The following VASP variants were observed in gnomAD, a reference collection of about 807,000 sequenced individuals.
VASP encodes vasodilator-stimulated phosphoprotein.
A neutral mutation model predicts 54.4 loss-of-function variants in VASP; 27 were observed. That is an observed-to-expected ratio of 0.50 (90% CI 0.37 to 0.68). The LOEUF (loss-of-function observed/expected upper bound fraction) is 0.68, where lower values mean the gene tolerates loss of function less well. VASP is among the 30% of genes least tolerant of loss of function. The pLI is 0.00. For synonymous variants in VASP, 233 were observed against 209.8 expected, an observed-to-expected ratio of 1.11 and a Z score of -0.96; for missense variants, 488 against 528.3, an observed-to-expected ratio of 0.92 and a Z score of 0.75.
In VASP at chr19:45,524,778, A is replaced by T. The variant is rs939968294; in HGVS notation, c.1047+118A>T. 17 of 1,008,566 alleles carry T rather than the reference A, an allele frequency of 1.7e-5. No individual in the cohort carries two copies. In the South Asian group the frequency reaches 2.4e-4, roughly 14 times the overall value. The allele number at this position is 1,008,566 out of a possible 1,614,324, so 62.5% of individuals were successfully genotyped here. On this transcript the variant is annotated intron_variant, in intron 11 of 12. Coordinates refer to ENST00000245932, the MANE Select transcript of VASP (RefSeq NM_003370.4). ...GAAACCTCAGGTTTCCAATCTGACA[A>T]ATGGAGAAACTGGATTGGGTCAAGG...
chr19:45,513,222 A>T (rs73568926), intron 1 of VASP, among the ~76,000 whole-genome samples: 24,632 of 151,870 alleles, frequency 0.16, 2,212 homozygotes, highest in East Asian at 0.34. Context: ...TAGGTGTCCT[A>T]GGTAAAAGTT....
chr19:45,519,922 T>TA (rs1555728618), intron 3 of VASP, among the ~76,000 whole-genome samples: 1 of 102,328 alleles, frequency 9.8e-6, no homozygotes, highest in African/African-American at 4.2e-5. Context: ...TTTTTTTTTT[T>TA]AATATGGAGT....
chr19:45,517,985 C>A lies in VASP; in HGVS notation c.234C>A (p.Asn78Lys), dbSNP rs1246976283. 2 of 1,613,716 alleles carry A rather than the reference C, an allele frequency of 1.2e-6. No homozygotes were observed. Among genetic ancestry groups the A allele is most frequent in the Non-Finnish European group, 1.7e-6 (2 of 1,179,900 alleles). ...TCAAGTATAACCAGGCCACCCCCAACTTCCATCAGTGGCGCGACGCTCGCC... is the reference window on the plus strand; with the variant it reads ...TCAAGTATAACCAGGCCACCCCCAAATTCCATCAGTGGCGCGACGCTCGCC... The part of the protein sequence containing the change: ...RGVKYNQATP[N>K]FHQWRDARQV... Residue 78 changes from asparagine (N) to lysine (K), a missense_variant, in exon 3 of 13, where the codon AAC (asparagine) becomes AAA (lysine). Asn to Lys is a moderately conservative substitution (Grantham distance 94, BLOSUM62 0). Coordinates refer to ENST00000245932, the MANE Select transcript of VASP (RefSeq NM_003370.4).
At chr19:45,511,964 C>T (rs1968607307) in intron 1 of VASP, among the ~76,000 whole-genome samples, 2 of 152,084 alleles carry the variant, frequency 1.3e-5, no homozygotes, top group African/African-American at 2.4e-5. Context: ...ATTAGCCTGG[C>T]GTGGTGGCAC....
chr19:45,521,971 C>T (rs1291379080), intron 4 of VASP, among the ~76,000 whole-genome samples, 197 bp from the exon 5 acceptor site: 1 of 152,188 alleles, frequency 6.6e-6, no homozygotes, highest in Non-Finnish European at 1.5e-5. Context: ...CTGATCTCTC[C>T]CTGTCGCTGC....
chr19:45,517,896 G>A (rs759678590), intron 2 of VASP, 33 bp from the exon 3 acceptor site: 82 of 339,616 alleles, frequency 2.4e-4, no homozygotes, highest in Admixed American at 1.6e-3. Context: ...CCCTGCGCCC[G>A]CCGCCCCTCA....
chr19:45,522,654 G>A (rs901318356), intron 6 of VASP, 64 bp from the exon 7 acceptor site: 2 of 1,572,038 alleles, frequency 1.3e-6, no homozygotes, highest in Middle Eastern at 1.7e-4. Context: ...TGCCGGCGGT[G>A]TCATTGGGCT....
In VASP at chr19:45,524,117, GAGA is replaced by G; in HGVS notation, c.936_938del (p.Lys312del). ...CCCAGAATCTGTGCGGAGACCCTGGGAGAAGAACAGCACAACCTTGCCAAGGTA... is the reference window on the plus strand; with the variant it reads ...CCCAGAATCTGTGCGGAGACCCTGGGAGAACAGCACAACCTTGCCAAGGTA... On this transcript the variant is annotated inframe_deletion, in exon 10 of 13. Coordinates refer to ENST00000245932, the MANE Select transcript of VASP (RefSeq NM_003370.4). 1 of 1,613,872 alleles carries G rather than the reference GAGA, an allele frequency of 6.2e-7. No homozygotes were observed. Among genetic ancestry groups the G allele is most frequent in the Non-Finnish European group, 8.5e-7 (1 of 1,180,006 alleles).
At position 45,522,527 on chromosome 19, in the gene VASP, G is replaced by C. The variant is rs979920327; in HGVS notation, c.666G>C (p.Gly222=). 1.2e-5 allele frequency: 17 copies of C among 1,455,046 alleles called. No individual in the cohort carries two copies. The highest frequency in any genetic ancestry group is 5.6e-5 in the Admixed American group (2 of 35,442). The allele number at this position is 1,455,046 out of a possible 1,614,324, so 90.1% of individuals were successfully genotyped here. A position where few individuals can be genotyped will look rare whatever the true frequency, so the allele number is the denominator to read the frequency against. The change falls in exon 6 of 13, where the codon GGG becomes GGC. Residue 222 remains glycine (G), a synonymous_variant. Coordinates refer to ENST00000245932, the MANE Select transcript of VASP (RefSeq NM_003370.4). ...AAQGPGGGGA[G]APGLAAAIAG... The stretch of plus-strand genomic sequence containing the variant: ...AGGGCCCTGGTGGTGGGGGAGCTGG[G>C]GCCCCAGGCCTGGCCGCAGCTATTG...
intron 1 of VASP, among the ~76,000 whole-genome samples, chr19:45,515,962 C>T (rs918596379): frequency 6.6e-6 from 1 of 152,174 alleles, no homozygotes; most frequent in African/African-American, 2.4e-5. Flanking sequence ...GTGCCTGAGT[C>T]ACATGAAGTA....
chr19:45,520,099 G>C (rs1264623122), intron 3 of VASP, among the ~76,000 whole-genome samples: 3 of 150,254 alleles, frequency 2.0e-5, no homozygotes, highest in Non-Finnish European at 4.4e-5. Context: ...ACGGGGTTTC[G>C]CAGTGTTGGC....
chr19:45,523,829 A>G lies in VASP; in HGVS notation c.874-12A>G, dbSNP rs774860975. On this transcript the variant is annotated splice_polypyrimidine_tract_variant and intron_variant, in intron 8 of 12. Transcript: ENST00000245932. ...GCAGGGGCTGGCTCATGGCAGTTTT[A>G]TTTCCTACCAGCAGGAGGAGCCAGA... is the stretch of plus-strand genomic sequence containing the variant. 6.2e-7 allele frequency: 1 copy of G among 1,613,864 alleles called. No individual in the cohort carries two copies. The highest frequency in any genetic ancestry group is 8.5e-7 in the Non-Finnish European group (1 of 1,179,942).
chr19:45,517,159 T>A (rs1187514173), intron 1 of VASP, among the ~76,000 whole-genome samples: 1 of 150,076 alleles, frequency 6.7e-6, no homozygotes, highest in Non-Finnish European at 1.5e-5. Context: ...AAAATAATAA[T>A]AATAATTATT....
At chr19:45,509,357 CTT>C (rs1968552554) in intron 1 of VASP, among the ~76,000 whole-genome samples, 1 of 151,894 alleles carries the variant, frequency 6.6e-6, no homozygotes, top group East Asian at 1.9e-4. Context: ...CTCCGGGACT[CTT>C]CTCTCCCCTT....
rs61288703 is a variant in VASP at position 45,523,190 on chromosome 19, ATTTT to A, written c.821+399_821+402del. Among the ~76,000 whole-genome samples, 18 of 74,720 alleles carry A rather than the reference ATTTT, an allele frequency of 2.4e-4. No individual in the cohort carries two copies. In the South Asian group the frequency reaches 3.5e-3, roughly 15 times the overall value. The allele number at this position is 74,720 out of a possible 152,430, so 49.0% of individuals were successfully genotyped here. A position where few individuals can be genotyped will look rare whatever the true frequency, so the allele number is the denominator to read the frequency against. The stretch of plus-strand genomic sequence containing the variant: ...TGATTCTAGAACCACAATCTCTTGA[ATTTT>A]TTTTTTTTTTTTTTTTTTTTTTTTT... On this transcript the variant is annotated intron_variant, in intron 7 of 12. Transcript: ENST00000245932.
At chr19:45,522,117 G>C (rs918662571) in intron 4 of VASP, 51 bp from the exon 5 acceptor site, 1 of 1,611,072 alleles carries the variant, frequency 6.2e-7, no homozygotes, top group African/African-American at 1.3e-5. Flanking sequence ...CCCCTTCGCT[G>C]GCCATCCTTA....
chr19:45,523,759 G>T, intron 8 of VASP, 64 bp downstream of exon 8: 2 of 1,614,016 alleles, frequency 1.2e-6, no homozygotes, highest in East Asian at 2.2e-5. Context: ...GGGATAGTGG[G>T]ATGTGTGGGG....
At chr19:45,509,283 C>T (rs1383326073) in intron 1 of VASP, among the ~76,000 whole-genome samples, 3 of 152,206 alleles carry the variant, frequency 2.0e-5, no homozygotes, top group Non-Finnish European at 4.4e-5. Context: ...AGCAACATCC[C>T]TTCCAAGTCC....
intron 3 of VASP, among the ~76,000 whole-genome samples, chr19:45,520,152 T>C (rs1054178774): frequency 1.3e-5 from 2 of 152,114 alleles, no homozygotes; most frequent in African/African-American, 4.8e-5. Flanking sequence ...TCCACTCGCC[T>C]CGGCCTCCCA....
Sources: gnomAD v4.1 joint callset for allele counts (sites outside exome capture counted in the v4.1 genomes callset) on GRCh38, gnomAD v4.1.1 for gene constraint, MANE v1.5 for transcripts, NCBI Gene and HGNC (gene_info 2026-07-23, HGNC 2026-07-21) for gene names.